Variants in WDFY3 observed in about 807,000 individuals in gnomAD.
WDFY3 encodes the protein WD repeat and FYVE domain containing 3.
In WDFY3, 66 loss-of-function variants were observed where a neutral mutation model predicts 409.6. The ratio of observed to expected loss-of-function variants is 0.16; its 90% CI spans 0.13 to 0.20. WDFY3 has a LOEUF of 0.20. Ranked by LOEUF, WDFY3 falls within the 10% of genes least tolerant of loss-of-function variation. The pLI, the probability that WDFY3 is intolerant of heterozygous loss-of-function variation, is 1.00. For missense variants in WDFY3, 3,031 were observed against 4,298.1 expected, an observed-to-expected ratio of 0.71 and a Z score of 8.24; for synonymous variants, 1,521 against 1,537.1, an observed-to-expected ratio of 0.99 and a Z score of 0.25.
Position 84,780,136 on chromosome 4 carries a change from T to G in WDFY3, c.4337A>C (p.Lys1446Thr), listed in dbSNP as rs1220314348. 1 of 1,606,976 alleles carries G rather than the reference T, an allele frequency of 6.2e-7. No individual in the cohort carries two copies. The highest frequency in any genetic ancestry group is 2.2e-5 in the East Asian group (1 of 44,732). The stretch of plus-strand genomic sequence containing the variant: ...GTAGCCCTTGATTCTTTCCATTTCT[T>G]TGCTGGCTAGTGGGTTACTCTTGAC... The part of the protein sequence containing the change: ...CVVKSNPLAS[K>T]EMERIKGYQL... The change falls in exon 26 of 68, where the codon AAA becomes ACA. Residue 1446 changes from lysine to threonine, a missense_variant. Lys to Thr is a moderately conservative substitution (Grantham distance 78). Transcript: ENST00000295888.
intron 32 of WDFY3, among the ~76,000 whole-genome samples, chr4:84,765,211 G>C (rs1048600254): frequency 1.3e-5 from 2 of 152,116 alleles, no homozygotes; most frequent in Non-Finnish European, 2.9e-5. Flanking sequence ...AAACATATGA[G>C]TTCAAATAAA....
rs763178432 is a variant in WDFY3, at chr4:84,766,307, C to A, written c.4915G>T (p.Asp1639Tyr). 6.2e-7 allele frequency: 1 copy of A among 1,601,596 alleles called. No individual in the cohort carries two copies. Among genetic ancestry groups the A allele is most frequent in the Non-Finnish European group, 8.5e-7 (1 of 1,175,526 alleles). ...GTATAAATTAGTTTTAGCAAGATAT[C>A]CAGAAGTCTGTTCCTCAAAAGTATA... ...NLILLRNRLLDILLKLIYTSK... is the reference protein window; with the variant it reads ...NLILLRNRLLYILLKLIYTSK... The change falls in exon 31 of 68, where the codon GAT becomes TAT. Residue 1639 changes from aspartate (D) to tyrosine (Y), a missense_variant. Asp to Tyr is a radical substitution (Grantham distance 160, BLOSUM62 -3). Transcript: ENST00000295888.
chr4:84,911,219 A>G (rs2150742571), intron 2 of WDFY3, among the ~76,000 whole-genome samples: 1 of 152,290 alleles, frequency 6.6e-6, no homozygotes, highest in African/African-American at 2.4e-5. Context: ...TCAACAACAA[A>G]GAGATAAACA....
At chr4:84,840,072 T>C (rs758895043) in intron 6 of WDFY3, among the ~76,000 whole-genome samples, 12 of 152,194 alleles carry the variant, frequency 7.9e-5, no homozygotes, top group Non-Finnish European at 1.5e-4. Flanking sequence ...TATTACATGA[T>C]GAGAGTGTTT....
intron 2 of WDFY3, among the ~76,000 whole-genome samples, chr4:84,921,448 G>A (rs1769259246): frequency 6.6e-6 from 1 of 151,936 alleles, no homozygotes; most frequent in African/African-American, 2.4e-5. Context: ...GTGTTAAAAT[G>A]TTAGCATTTT....
chr4:84,712,641 G>T (rs1413042819), intron 51 of WDFY3, among the ~76,000 whole-genome samples: 1 of 151,588 alleles, frequency 6.6e-6, no homozygotes, highest in Non-Finnish European at 1.5e-5. Context: ...GAATCGCCAT[G>T]AACCCAGGAG....
intron 40 of WDFY3, 57 bp from the exon 41 acceptor site, chr4:84,737,423 T>A: frequency 2.7e-6 from 4 of 1,475,580 alleles, no homozygotes; most frequent in Non-Finnish European, 3.6e-6. Flanking sequence ...AAACACAGTA[T>A]AAAGTTAGTT....
intron 27 of WDFY3, among the ~76,000 whole-genome samples, chr4:84,777,177 T>A (rs978333105): frequency 1.3e-5 from 2 of 151,990 alleles, no homozygotes; most frequent in Non-Finnish European, 2.9e-5. Context: ...GGATGCTAAG[T>A]TCAGTTAAGG....
intron 56 of WDFY3, among the ~76,000 whole-genome samples, chr4:84,697,701 T>C (rs1294934009): frequency 1.3e-5 from 2 of 152,170 alleles, no homozygotes; most frequent in African/African-American, 4.8e-5. Flanking sequence ...TAGATACAAA[T>C]CAGATTATCA....
At chr4:84,883,769 G>C (rs905249898) in intron 3 of WDFY3, among the ~76,000 whole-genome samples, 1 of 152,096 alleles carries the variant, frequency 6.6e-6, no homozygotes, top group South Asian at 2.1e-4. Flanking sequence ...TTTGCTAGGA[G>C]GTTTAGCATT....
chr4:84,685,053 C>T (rs142481869), intron 62 of WDFY3, among the ~76,000 whole-genome samples: 66 of 152,276 alleles, frequency 4.3e-4, no homozygotes, highest in Middle Eastern at 6.8e-3. Flanking sequence ...CTTTCTATAG[C>T]GCCAAAGCTT....
Position 84,702,518 on chromosome 4 carries a change from A to G in WDFY3, c.8443-12T>C. 1 of 1,585,522 alleles carries G rather than the reference A, an allele frequency of 6.3e-7. No individual in the cohort carries two copies. The highest frequency in any genetic ancestry group is 8.6e-7 in the Non-Finnish European group (1 of 1,169,234). On this transcript the variant is annotated splice_polypyrimidine_tract_variant and intron_variant, in intron 55 of 67. Transcript: ENST00000295888. ...TCAAAGTGGCCACCCTGTGGGCAGA[A>G]TAAGACACCTCTCTATTAGAGAACC... is the stretch of plus-strand genomic sequence containing the variant.
At chr4:84,800,324 A>G (rs1188876131) in intron 17 of WDFY3, among the ~76,000 whole-genome samples, 1 of 152,222 alleles carries the variant, frequency 6.6e-6, no homozygotes, top group Non-Finnish European at 1.5e-5. Flanking sequence ...ATGTAACAGC[A>G]GTGTTATAGA....
intron 3 of WDFY3, among the ~76,000 whole-genome samples, chr4:84,861,985 C>T (rs1760710771): frequency 1.3e-5 from 2 of 152,138 alleles, no homozygotes; most frequent in East Asian, 1.9e-4. Flanking sequence ...GCAGGCAACA[C>T]CTGAGATTAA....
intron 7 of WDFY3, among the ~76,000 whole-genome samples, chr4:84,836,220 T>A: frequency 6.6e-6 from 1 of 152,226 alleles, no homozygotes; most frequent in Non-Finnish European, 1.5e-5. Context: ...CCTGTATGAC[T>A]ACTTTAGATA....
intron 35 of WDFY3, among the ~76,000 whole-genome samples, chr4:84,752,799 G>A (rs1433296074): frequency 6.6e-6 from 1 of 152,112 alleles, no homozygotes; most frequent in East Asian, 1.9e-4. Context: ...ATGAAATTTT[G>A]AAGTACTATG....
chr4:84,735,626 A>G (rs926059528), intron 42 of WDFY3, among the ~76,000 whole-genome samples: 4 of 152,276 alleles, frequency 2.6e-5, no homozygotes, highest in Middle Eastern at 3.4e-3. Flanking sequence ...CATTATGCAC[A>G]CTAAACTCCA....
chr4:84,947,922 CTAA>C (rs1319064961), intron 1 of WDFY3, among the ~76,000 whole-genome samples: 1 of 151,960 alleles, frequency 6.6e-6, no homozygotes, highest in Admixed American at 6.6e-5. Context: ...AAAATTCCTG[CTAA>C]TGAGATCCTC....
chr4:84,707,134 T>C (rs1732100032), intron 53 of WDFY3, among the ~76,000 whole-genome samples: 1 of 152,054 alleles, frequency 6.6e-6, no homozygotes, highest in African/African-American at 2.4e-5. Flanking sequence ...TTTGCCATGT[T>C]GACCAGGCTG....
Sources: allele counts gnomAD v4.1 joint callset (sites outside exome capture counted in the v4.1 genomes callset), GRCh38; gene constraint gnomAD v4.1.1; transcripts MANE v1.5; gene names NCBI Gene and HGNC (gene_info 2026-07-23, HGNC 2026-07-21).